Variants in NPAS3 observed in about 807,000 individuals in gnomAD.
NPAS3 encodes neuronal PAS domain-containing protein 3.
In NPAS3, 14 loss-of-function variants were observed where a neutral mutation model predicts 73.1. The observed-to-expected ratio is 0.19, with a 90% CI of 0.13 to 0.30. The LOEUF is 0.30. Among genes scored for constraint, NPAS3 ranks in the 10% least tolerant of loss-of-function variants. The pLI, the probability that NPAS3 is intolerant of heterozygous loss-of-function variation, is 1.00. For missense variants in NPAS3, 1,096 were observed against 1,250.0 expected, an observed-to-expected ratio of 0.88 and a Z score of 1.86; for synonymous variants, 620 against 541.5, an observed-to-expected ratio of 1.14 and a Z score of -2.01.
At chr14:33,174,239 A>G (rs1302207969) in intron 2 of NPAS3, among the ~76,000 whole-genome samples, 1 of 152,188 alleles carries the variant, frequency 6.6e-6, no homozygotes, top group Non-Finnish European at 1.5e-5. Flanking sequence ...TACACTGCAC[A>G]TCAGCATGCC....
rs139178858 is a variant in NPAS3, at chr14:33,799,804, C to A, written c.1497C>A (p.Asp499Glu). Residue 499 changes from aspartate (D) to glutamate (E), a missense_variant, in exon 12 of 12, where the codon GAC becomes GAA. Physicochemically the swap from Asp to Glu is conservative, Grantham distance 45. Around this residue, in one of 5 missense-constraint regions of NPAS3, gnomAD observed 698 missense variants for 676.7 expected, o/e 1.03. Coordinates refer to ENST00000356141, the Ensembl canonical transcript of NPAS3. ...AGAACAGCGAAGACCCGGAGCCCGA[C>A]CGGAAGAAGTCGGGCAACGCGTGTG... is the stretch of plus-strand genomic sequence containing the variant. 2.5e-6 allele frequency: 4 copies of A among 1,613,458 alleles called. No homozygotes were observed. In the African/African-American group the frequency reaches 4.0e-5, roughly 16 times the overall value.
intron 5 of NPAS3, chr14:33,612,429 C>T (rs774942645): frequency 2.2e-6 from 1 of 456,054 alleles, no homozygotes; most frequent in South Asian, 1.5e-5. Context: ...TTCACCTCTC[C>T]AGTCACATCG....
At chr14:33,737,533 C>T (rs980863160) in intron 7 of NPAS3, among the ~76,000 whole-genome samples, 3 of 152,082 alleles carry the variant, frequency 2.0e-5, no homozygotes, top group Non-Finnish European at 2.9e-5. Flanking sequence ...AGTCTCCAGC[C>T]GATGCCCTAC....
intron 1 of NPAS3, among the ~76,000 whole-genome samples, chr14:33,035,362 C>G (rs1278157384): frequency 6.6e-6 from 1 of 152,084 alleles, no homozygotes; most frequent in South Asian, 2.1e-4. Context: ...TAGCCTCACT[C>G]CCTGAGATGG....
intron 3 of NPAS3, among the ~76,000 whole-genome samples, chr14:33,229,464 G>A (rs556873410): frequency 2.0e-5 from 3 of 152,258 alleles, no homozygotes; most frequent in Non-Finnish European, 2.9e-5. Flanking sequence ...ACTGAGGCAG[G>A]GCTCAGAGTC....
intron 6 of NPAS3, among the ~76,000 whole-genome samples, chr14:33,705,628 G>A (rs1017726326): frequency 4.6e-5 from 7 of 152,202 alleles, no homozygotes; most frequent in Admixed American, 6.5e-5. Flanking sequence ...AGAATTGGAA[G>A]TTCGTGTGGA....
At chr14:33,184,640 G>A (rs1321531280) in intron 2 of NPAS3, among the ~76,000 whole-genome samples, 2 of 152,160 alleles carry the variant, frequency 1.3e-5, no homozygotes, top group African/African-American at 4.8e-5. Flanking sequence ...GTGGCTGAGA[G>A]TAGGTAGTAG....
intron 2 of NPAS3, among the ~76,000 whole-genome samples, chr14:33,182,010 C>G (rs2045815250): frequency 6.6e-6 from 1 of 151,980 alleles, no homozygotes; most frequent in Non-Finnish European, 1.5e-5. Flanking sequence ...GATTTTTTCT[C>G]CAAGTATTAT....
intron 6 of NPAS3, among the ~76,000 whole-genome samples, chr14:33,728,943 G>C (rs1183434184): frequency 6.6e-6 from 1 of 152,134 alleles, no homozygotes; most frequent in East Asian, 1.9e-4. Flanking sequence ...GAGTGACAGG[G>C]ATAGAGTGAA....
chr14:33,250,996 G>T (rs377550652), intron 3 of NPAS3, among the ~76,000 whole-genome samples: 1 of 152,014 alleles, frequency 6.6e-6, no homozygotes, highest in Admixed American at 6.6e-5. Context: ...TATTACCAAA[G>T]GTAAAATACA....
At chr14:33,676,258 T>G in exon 6 of NPAS3, 1 of 1,613,806 alleles carries the variant, frequency 6.2e-7, no homozygotes, top group Non-Finnish European at 8.5e-7. Flanking sequence ...ACCCCGGAGA[T>G]CACGTGGAGA....
intron 4 of NPAS3, among the ~76,000 whole-genome samples, chr14:33,494,159 G>C (rs1346044772): frequency 6.6e-6 from 1 of 151,982 alleles, no homozygotes; most frequent in Non-Finnish European, 1.5e-5. Flanking sequence ...TTTCTCCAGC[G>C]TGCCCTGGAG....
chr14:32,956,262 G>A (rs550111083), intron 1 of NPAS3, among the ~76,000 whole-genome samples: 22 of 152,082 alleles, frequency 1.4e-4, no homozygotes, highest in African/African-American at 5.1e-4. Context: ...TGAAAAATTC[G>A]ATCATGTAAA....
intron 2 of NPAS3, among the ~76,000 whole-genome samples, chr14:33,133,623 G>A (rs1164392774): frequency 3.3e-5 from 5 of 152,206 alleles, no homozygotes; most frequent in Non-Finnish European, 4.4e-5. Flanking sequence ...TAAATAGTAA[G>A]AAAGGGCATT....
chr14:33,373,091 T>G (rs1257849740), intron 4 of NPAS3, among the ~76,000 whole-genome samples: 1 of 152,216 alleles, frequency 6.6e-6, no homozygotes. Flanking sequence ...AATACTGTCT[T>G]CATAAGTCAT....
intron 4 of NPAS3, among the ~76,000 whole-genome samples, chr14:33,480,342 T>G (rs1594989908): frequency 6.6e-6 from 1 of 152,178 alleles, no homozygotes; most frequent in East Asian, 1.9e-4. Flanking sequence ...AGAAAGTCAG[T>G]GAGGATTCAG....
intron 7 of NPAS3, among the ~76,000 whole-genome samples, chr14:33,764,573 C>T (rs1042434370): frequency 6.6e-6 from 1 of 152,250 alleles, no homozygotes; most frequent in South Asian, 2.1e-4. Context: ...CCTTGCCTGA[C>T]GTGGGACTAG....
chr14:33,116,362 G>T (rs1170227132), intron 2 of NPAS3, among the ~76,000 whole-genome samples: 1 of 152,054 alleles, frequency 6.6e-6, no homozygotes, highest in Admixed American at 6.6e-5. Context: ...AACTTCCCAA[G>T]AACTTCAGGA....
intron 5 of NPAS3, among the ~76,000 whole-genome samples, chr14:33,591,850 A>G (rs940345531): frequency 6.6e-6 from 1 of 152,196 alleles, no homozygotes; most frequent in Non-Finnish European, 1.5e-5. Context: ...AATATCCACA[A>G]GGAGAGAAAG....
Sources: allele counts gnomAD v4.1 joint callset (sites outside exome capture counted in the v4.1 genomes callset), GRCh38; gene constraint gnomAD v4.1.1; regional missense constraint gnomAD v4.1.1; transcripts MANE v1.5; gene names NCBI Gene and HGNC (gene_info 2026-07-23, HGNC 2026-07-21).